The following SLC45A1 variants were observed in gnomAD, a reference collection of about 807,000 sequenced individuals.
SLC45A1 encodes the protein proton-associated sugar transporter A.
In SLC45A1, 28 loss-of-function variants were observed where a neutral mutation model predicts 57.6. The observed-to-expected ratio is 0.49, with a 90% confidence interval of 0.36 to 0.67. SLC45A1 has a LOEUF of 0.67. Ranked by LOEUF, SLC45A1 falls within the 30% of genes least tolerant of loss-of-function variation. The pLI is 0.00. For missense variants in SLC45A1, 814 were observed against 1,041.5 expected (o/e 0.78, Z 3.01); for synonymous variants, 459 against 471.5 (o/e 0.97, Z 0.34).
rs758684449 is a variant in SLC45A1 at position 8,330,766 on chromosome 1, G to A, written c.1273G>A (p.Ala425Thr). The A allele has an allele frequency of 1.9e-5, 30 of 1,613,322 alleles. No homozygotes were observed. The highest frequency in any genetic ancestry group is 1.3e-5 in the African/African-American group (1 of 74,958). ...DRGLLEGREG[A>T]LTSGCDGDIL... ...TGGACTTCTGGAGGGCAGAGAGGGT[G>A]CCCTGACCTCCGGCTGTGACGGGGA... Residue 425 changes from alanine (A) to threonine (T), a missense_variant, in exon 5 of 9, where the codon GCC becomes ACC. Coordinates refer to ENST00000471889, the MANE Select transcript of SLC45A1 (RefSeq NM_001080397.3). The surrounding 1 kb of genome is among the most constrained non-coding windows in gnomAD (Gnocchi z 8.4).
intron 4 of SLC45A1, among the ~76,000 whole-genome samples, chr1:8,329,414 G>T (rs1259210967): frequency 1.3e-5 from 2 of 152,250 alleles, no homozygotes; most frequent in Non-Finnish European, 2.9e-5. Flanking sequence ...TCCCTGATGG[G>T]GTGGGTGTCG....
Position 8,331,248 on chromosome 1 carries a change from A to T in SLC45A1, c.1443+312A>T, listed in dbSNP as rs1457613547. Among the ~76,000 whole-genome samples, 5 of 151,194 alleles carry T rather than the reference A, an allele frequency of 3.3e-5. No individual in the cohort carries two copies. In the East Asian group the frequency reaches 9.7e-4, roughly 29 times the overall value. ...TTTAGTATTTTTAAAAAACACTTTT[A>T]AAAAATATTTTTAAAAAACACTTTT... On this transcript the variant is annotated intron_variant, in intron 5 of 8. Coordinates refer to ENST00000471889, the MANE Select transcript of SLC45A1 (RefSeq NM_001080397.3).
At chr1:8,339,157 A>G (rs774673825) in intron 7 of SLC45A1, among the ~76,000 whole-genome samples, 1 of 152,182 alleles carries the variant, frequency 6.6e-6, no homozygotes, top group Non-Finnish European at 1.5e-5. Flanking sequence ...GTTTAACTCG[A>G]GACCCTCAGT....
chr1:8,323,220 C>T (rs528945821), intron 1 of SLC45A1, among the ~76,000 whole-genome samples: 6 of 152,152 alleles, frequency 3.9e-5, no homozygotes, highest in African/African-American at 1.2e-4. Flanking sequence ...AGGCTGGGCA[C>T]GGTGGCTCAC....
rs759698401 is a variant in SLC45A1 at position 8,330,414 on chromosome 1, C to T, written c.921C>T (p.Ser307=). 1.3e-5 allele frequency: 21 copies of T among 1,611,564 alleles called. No individual in the cohort carries two copies. Among genetic ancestry groups the T allele is most frequent in the Non-Finnish European group, 1.8e-5 (21 of 1,179,224 alleles). The part of the protein sequence containing the change: ...SEKRAAMKSP[S]LPLPPSPPVL... ...AGCGGGCAGCCATGAAGAGCCCCAG[C>T]CTCCCGCTGCCCCCGTCCCCACCCG... Residue 307 remains serine, a synonymous_variant, in exon 5 of 9, where the codon AGC becomes AGT. Coordinates refer to ENST00000471889, the MANE Select transcript of SLC45A1 (RefSeq NM_001080397.3). The surrounding 1 kb of genome is among the most constrained non-coding windows in gnomAD (Gnocchi z 8.4).
intron 8 of SLC45A1, among the ~76,000 whole-genome samples, chr1:8,341,123 C>T (rs932483836): frequency 1.4e-5 from 2 of 145,902 alleles, no homozygotes; most frequent in African/African-American, 5.1e-5. Flanking sequence ...ATCTGGGAGG[C>T]GGAGGTTGCA....
chr1:8,341,637 A>T (rs1473040823), intron 8 of SLC45A1, among the ~76,000 whole-genome samples: 1 of 150,508 alleles, frequency 6.6e-6, no homozygotes, highest in East Asian at 2.0e-4. Context: ...AATGGCATTT[A>T]AAAGGCCAAA....
In SLC45A1 at chr1:8,344,106, G is replaced by T; in HGVS notation, c.*93G>T. On this transcript the variant is annotated 3_prime_UTR_variant, in exon 9 of 9. Transcript: ENST00000471889. ...ACCAAAGGGCCTTGTTGGACAGGGGGACTGGCTGCCTACTGGAATGTAAAT... is the reference window on the plus strand; with the variant it reads ...ACCAAAGGGCCTTGTTGGACAGGGGTACTGGCTGCCTACTGGAATGTAAAT... 3 of 1,222,792 alleles carry T rather than the reference G, an allele frequency of 2.5e-6. No homozygotes were observed. The highest frequency in any genetic ancestry group is 3.4e-6 in the Non-Finnish European group (3 of 883,518). The allele number at this position is 1,222,792 out of a possible 1,614,324, so 75.7% of individuals were successfully genotyped here. A position where few individuals can be genotyped will look rare whatever the true frequency, so the allele number is the denominator to read the frequency against.
intron 8 of SLC45A1, among the ~76,000 whole-genome samples, chr1:8,341,257 G>A (rs552925580): frequency 4.9e-4 from 74 of 151,604 alleles, no homozygotes; most frequent in African/African-American, 1.7e-3. Flanking sequence ...CTTCACAGCC[G>A]GGTGCGGTGG....
chr1:8,330,068 T>G lies in SLC45A1; in HGVS notation c.716-141T>G. 1 of 1,056,324 alleles carries G rather than the reference T, an allele frequency of 9.5e-7. No individual in the cohort carries two copies. Among genetic ancestry groups the G allele is most frequent in the Non-Finnish European group, 1.4e-6 (1 of 726,562 alleles). 65.4% of individuals were successfully genotyped at this position (1,056,324 alleles called of 1,614,324 possible). A position where few individuals can be genotyped will look rare whatever the true frequency, so the allele number is the denominator to read the frequency against. On this transcript the variant is annotated intron_variant, in intron 4 of 8. Transcript: ENST00000471889. This position sits in a 1 kb window ranked among gnomAD's most constrained non-coding sequence, Gnocchi z 8.4. ...GCCCTGGGAATCCTGTCCCATTTTG[T>G]TGGGGTTTAGGTGGAACAGGTTCTG...
Position 8,330,279 on chromosome 1 carries a change from G to T in SLC45A1, c.786G>T (p.Leu262=), listed in dbSNP as rs147116462. 417 of 1,613,766 alleles carry T rather than the reference G, an allele frequency of 2.6e-4. 1 individual carries two copies. The highest frequency in any genetic ancestry group is 3.2e-4 in the Non-Finnish European group (376 of 1,179,996). Residue 262 remains leucine, a synonymous_variant, in exon 5 of 9, where the codon CTG becomes CTT. Coordinates refer to ENST00000471889, the MANE Select transcript of SLC45A1 (RefSeq NM_001080397.3). This position sits in a 1 kb window ranked among gnomAD's most constrained non-coding sequence, Gnocchi z 8.4. ...HWDKTGFGRA[L]GGQLRVIYLF... is the part of the protein sequence containing the mutation. ...ATAAAACGGGCTTCGGGAGGGCCCT[G>T]GGGGGACAGCTCCGAGTCATTTACC...
At chr1:8,341,332 C>A (rs1640806441) in intron 8 of SLC45A1, among the ~76,000 whole-genome samples, 1 of 150,030 alleles carries the variant, frequency 6.7e-6, no homozygotes, top group Non-Finnish European at 1.5e-5. Context: ...GTCAGGAGTT[C>A]AAGACCAGCC....
chr1:8,330,717 C>T lies in SLC45A1; in HGVS notation c.1224C>T (p.Pro408=), dbSNP rs201094126. ...PPISVSFPRA[P]DGFYRQDRGL... The stretch of plus-strand genomic sequence containing the variant: ...TCAGCGTCAGCTTCCCCCGGGCCCC[C>T]GACGGCTTCTACCGCCAGGACCGTG... Residue 408 remains proline (P), a synonymous_variant, in exon 5 of 9, where the codon CCC becomes CCT. Coordinates refer to ENST00000471889, the MANE Select transcript of SLC45A1 (RefSeq NM_001080397.3). This position sits in a 1 kb window ranked among gnomAD's most constrained non-coding sequence, Gnocchi z 8.4. 368 of 1,613,140 alleles carry T rather than the reference C, an allele frequency of 2.3e-4. 6 individuals are homozygous for T. The East Asian group carries it at 7.8e-3, about 34-fold the overall frequency.
Position 8,330,067 on chromosome 1 carries a change from G to T in SLC45A1, c.716-142G>T, listed in dbSNP as rs1462785509. 1 of 1,056,088 alleles carries T rather than the reference G, an allele frequency of 9.5e-7. No individual in the cohort carries two copies. Among genetic ancestry groups the T allele is most frequent in the Admixed American group, 2.3e-5 (1 of 42,836 alleles). The allele number at this position is 1,056,088 out of a possible 1,614,324, so 65.4% of individuals were successfully genotyped here. On this transcript the variant is annotated intron_variant, in intron 4 of 8. Coordinates refer to ENST00000471889, the MANE Select transcript of SLC45A1 (RefSeq NM_001080397.3). This position sits in a 1 kb window ranked among gnomAD's most constrained non-coding sequence, Gnocchi z 8.4. ...CGCCCTGGGAATCCTGTCCCATTTT[G>T]TTGGGGTTTAGGTGGAACAGGTTCT...
chr1:8,343,967 G>A lies in SLC45A1; in HGVS notation c.2201G>A (p.Ser734Asn), dbSNP rs1640915691. 6.2e-7 allele frequency: 1 copy of A among 1,613,660 alleles called. No individual in the cohort carries two copies. The highest frequency in any genetic ancestry group is 1.7e-5 in the Admixed American group (1 of 59,994). ...SLFVIYEIPPSDAADEEHRPL... is the reference protein window; with the variant it reads ...SLFVIYEIPPNDAADEEHRPL... ...TTTGTCATTTATGAAATTCCTCCCA[G>A]CGACGCTGCAGACGAGGAGCACCGG... The change falls in exon 9 of 9, where the codon AGC becomes AAC. Residue 734 changes from serine to asparagine, a missense_variant. By Grantham distance (46) the Ser-to-Asn change is conservative. Transcript: ENST00000471889. The surrounding 1 kb of genome is among the most constrained non-coding windows in gnomAD (Gnocchi z 7.7).
chr1:8,337,263 C>T (rs1640642469), intron 6 of SLC45A1, among the ~76,000 whole-genome samples: 1 of 152,172 alleles, frequency 6.6e-6, no homozygotes, highest in Non-Finnish European at 1.5e-5. Flanking sequence ...TATTCACTAT[C>T]ATGAGAACAG....
chr1:8,328,399 C>T lies in SLC45A1; in HGVS notation c.716-1810C>T, dbSNP rs775805306. On this transcript the variant is annotated intron_variant, in intron 4 of 8. Coordinates refer to ENST00000471889, the MANE Select transcript of SLC45A1 (RefSeq NM_001080397.3). This position sits in a 1 kb window ranked among gnomAD's most constrained non-coding sequence, Gnocchi z 4.6. ...TGCCGCTTCTCTTCCTCTTTCCACA[C>T]GTGCGCTGCTGTGGGCGAGGGAACT... Among the ~76,000 whole-genome samples, 26 of 152,312 alleles carry T rather than the reference C, an allele frequency of 1.7e-4. No homozygotes were observed. The East Asian group carries it at 2.5e-3, about 15-fold the overall frequency.
At position 8,325,349 on chromosome 1, in the gene SLC45A1, G is replaced by A; in HGVS notation, c.449G>A (p.Arg150Lys). ...GCTTGGAGTGACCGGTGTACCTCAA[G>A]GTTTGGAAGGAGACGCCCTTTCATT... is the stretch of plus-strand genomic sequence containing the variant. ...LGAWSDRCTS[R>K]FGRRRPFILV... Residue 150 changes from arginine (R) to lysine (K), a missense_variant, in exon 3 of 9, where the codon AGG (arginine) becomes AAG (lysine). Coordinates refer to ENST00000471889, the MANE Select transcript of SLC45A1 (RefSeq NM_001080397.3). This position sits in a 1 kb window ranked among gnomAD's most constrained non-coding sequence, Gnocchi z 6.3. The A allele has an allele frequency of 6.2e-7, 1 of 1,613,766 alleles. No individual in the cohort carries two copies. Among genetic ancestry groups the A allele is most frequent in the Non-Finnish European group, 8.5e-7 (1 of 1,179,822 alleles).
Position 8,330,168 on chromosome 1 carries a change from C to T in SLC45A1, c.716-41C>T. 1 of 1,593,092 alleles carries T rather than the reference C, an allele frequency of 6.3e-7. No individual in the cohort carries two copies. The highest frequency in any genetic ancestry group is 1.1e-5 in the South Asian group (1 of 88,584). ...CGGGGCCACCGCGTTTGGGGCTTCT[C>T]CTCCCGCAGAAGGGAACTCAAACCC... On this transcript the variant is annotated intron_variant, in intron 4 of 8. Transcript: ENST00000471889. The surrounding 1 kb of genome is among the most constrained non-coding windows in gnomAD (Gnocchi z 8.4).
Sources: allele counts gnomAD v4.1 joint callset (sites outside exome capture counted in the v4.1 genomes callset), GRCh38; gene constraint gnomAD v4.1.1; non-coding constraint Gnocchi (gnomAD v3.1); transcripts MANE v1.5; gene names NCBI Gene and HGNC (gene_info 2026-07-23, HGNC 2026-07-21).